The following NFAT5 variants were observed in gnomAD, a reference collection of about 807,000 sequenced individuals.
NFAT5 encodes nuclear factor of activated T cells 5.
A neutral mutation model predicts 166.5 loss-of-function variants in NFAT5; 31 were observed. The ratio of observed to expected loss-of-function variants is 0.19; its 90% CI spans 0.14 to 0.25. The LOEUF is 0.25. NFAT5 is among the 10% of genes least tolerant of loss of function. The pLI is 1.00. For synonymous variants in NFAT5, 612 were observed against 639.7 expected, an observed-to-expected ratio of 0.96 and a Z score of 0.65; for missense variants, 1,449 against 1,821.8, an observed-to-expected ratio of 0.80 and a Z score of 3.72.
In NFAT5 at chr16:69,626,386, C is replaced by T. The variant is rs374749928; in HGVS notation, c.128-17C>T. 7 of 1,552,594 alleles carry T rather than the reference C, an allele frequency of 4.5e-6. No individual in the cohort carries two copies. The African/African-American group carries it at 9.8e-5, about 22-fold the overall frequency. On this transcript the variant is annotated splice_polypyrimidine_tract_variant and intron_variant, in intron 2 of 14. Transcript: ENST00000349945. ...TCTTTTAAAAATTGTTTTCTCCTCT[C>T]TTTCCCCTCCCCACAGAATCTGTCT... is the stretch of plus-strand genomic sequence containing the variant.
Position 69,566,353 on chromosome 16 carries a change from C to T in NFAT5, c.52C>T (p.Pro18Ser). Residue 18 changes from proline to serine, a missense_variant, in exon 1 of 15, where the codon CCC (proline) becomes TCC (serine). Physicochemically the swap from Pro to Ser is moderately conservative, Grantham distance 74. Transcript: ENST00000349945. The surrounding 1 kb of genome is among the most constrained non-coding windows in gnomAD (Gnocchi z 5.7). ...LLSADLDLES[P>S]KSLYSRDSLK... ...CAGCGCGGACCTAGACCTGGAATCG[C>T]CCAAGTCCCTCTACTCGCGAGGTGA... The T allele has an allele frequency of 6.2e-7, 1 of 1,607,880 alleles. No individual in the cohort carries two copies. The highest frequency in any genetic ancestry group is 8.5e-7 in the Non-Finnish European group (1 of 1,178,082).
intron 3 of NFAT5, among the ~76,000 whole-genome samples, chr16:69,642,970 C>T (rs1210747171): frequency 1.3e-5 from 2 of 152,004 alleles, no homozygotes; most frequent in Non-Finnish European, 1.5e-5. Flanking sequence ...GTAATCTCAG[C>T]ACGTCAGGAG....
chr16:69,648,894 C>G, intron 4 of NFAT5: 1 of 945,108 alleles, frequency 1.1e-6, no homozygotes, highest in Non-Finnish European at 1.3e-6. Context: ...CCCTTAAGCA[C>G]TCCCTCAGTA....
At chr16:69,641,479 A>G (rs1283543227) in intron 3 of NFAT5, among the ~76,000 whole-genome samples, 1 of 152,084 alleles carries the variant, frequency 6.6e-6, no homozygotes, top group Non-Finnish European at 1.5e-5. Flanking sequence ...TAAAATATGT[A>G]CATATTCAAA....
chr16:69,658,734 T>A (rs1239027915), intron 6 of NFAT5, among the ~76,000 whole-genome samples: 1 of 151,306 alleles, frequency 6.6e-6, no homozygotes, highest in East Asian at 2.0e-4. Context: ...GGCTGAGGCA[T>A]GAGAATTACC....
At chr16:69,660,550 G>C (rs957859413) in intron 7 of NFAT5, among the ~76,000 whole-genome samples, 2 of 152,236 alleles carry the variant, frequency 1.3e-5, no homozygotes, top group Non-Finnish European at 2.9e-5. Flanking sequence ...TAGAACATGA[G>C]TAAGGTAAGC....
In NFAT5 at chr16:69,700,053, T is replaced by C. The variant is rs1194278175; in HGVS notation, c.*3702T>C. 6.6e-6 allele frequency: 1 copy of C among 152,142 alleles called. No individual in the cohort carries two copies. Among genetic ancestry groups the C allele is most frequent in the Non-Finnish European group, 1.5e-5 (1 of 68,010 alleles). The allele number at this position is 152,142 out of a possible 1,614,324, so 9.4% of individuals were successfully genotyped here. ...AAAAAGAACAAGTTTTTAAGGGCTT[T>C]ATTATAGAAGAAGTATTAATGAAGG... On this transcript the variant is annotated 3_prime_UTR_variant, in exon 15 of 15. Transcript: ENST00000349945.
At chr16:69,672,128 A>G (rs982784504) in intron 9 of NFAT5, among the ~76,000 whole-genome samples, 4 of 152,244 alleles carry the variant, frequency 2.6e-5, no homozygotes, top group African/African-American at 9.6e-5. Flanking sequence ...CCTAGACAAT[A>G]TCGTATAGTG....
chr16:69,646,631 T>C (rs1346442028), intron 3 of NFAT5: 23 of 666,424 alleles, frequency 3.5e-5, no homozygotes, highest in Non-Finnish European at 4.8e-5. Context: ...ACTTTTCAAA[T>C]TCTATAATGA....
At chr16:69,575,930 C>T (rs773721415) in intron 2 of NFAT5, among the ~76,000 whole-genome samples, 7 of 151,984 alleles carry the variant, frequency 4.6e-5, no homozygotes, top group Non-Finnish European at 8.8e-5. Context: ...GCACATATCT[C>T]GTGGATGAGG....
In NFAT5 at chr16:69,698,398, C is replaced by CAT. The variant is rs2037829663; in HGVS notation, c.*2055_*2056dup. ...ATAAATATAGAAATTTATATATATA[C>CAT]ATATATATAAACTATTCTTTTTTGC... On this transcript the variant is annotated 3_prime_UTR_variant, in exon 15 of 15. Coordinates refer to ENST00000349945, the MANE Select transcript of NFAT5 (RefSeq NM_138713.4). 1 of 150,896 alleles carries CAT rather than the reference C, an allele frequency of 6.6e-6. No individual in the cohort carries two copies. Among genetic ancestry groups the CAT allele is most frequent in the Admixed American group, 6.6e-5 (1 of 15,078 alleles). The allele number at this position is 150,896 out of a possible 1,614,324, so 9.3% of individuals were successfully genotyped here.
At chr16:69,689,226 C>T (rs537459048) in intron 11 of NFAT5, among the ~76,000 whole-genome samples, 2 of 152,100 alleles carry the variant, frequency 1.3e-5, no homozygotes, top group South Asian at 4.2e-4. Context: ...GCAGTGAGGC[C>T]TGATTGTACC....
intron 2 of NFAT5, among the ~76,000 whole-genome samples, chr16:69,622,161 G>A (rs763948419): frequency 1.3e-5 from 2 of 152,152 alleles, no homozygotes; most frequent in African/African-American, 2.4e-5. Flanking sequence ...GCCAGTGGCT[G>A]TGTTCAGATT....
intron 2 of NFAT5, among the ~76,000 whole-genome samples, chr16:69,610,062 C>G (rs1235550165): frequency 6.6e-6 from 1 of 150,404 alleles, no homozygotes; most frequent in African/African-American, 2.5e-5. Flanking sequence ...AGTGTTGGGT[C>G]AAAGAAGGGA....
chr16:69,605,175 C>G (rs1055784284), intron 2 of NFAT5, among the ~76,000 whole-genome samples: 1 of 152,130 alleles, frequency 6.6e-6, no homozygotes, highest in Non-Finnish European at 1.5e-5. Context: ...TGTGGTGGCT[C>G]ACGCCTGTAA....
At chr16:69,600,141 T>C (rs1357388792) in intron 2 of NFAT5, among the ~76,000 whole-genome samples, 1 of 141,522 alleles carries the variant, frequency 7.1e-6, no homozygotes. Context: ...ACAGGATTCA[T>C]TTCTCTGGGA....
intron 9 of NFAT5, among the ~76,000 whole-genome samples, chr16:69,673,284 G>A (rs1005295286): frequency 1.3e-5 from 2 of 152,068 alleles, no homozygotes; most frequent in African/African-American, 4.8e-5. Flanking sequence ...ATCTTTTTCA[G>A]AGAGAGGTTT....
intron 2 of NFAT5, among the ~76,000 whole-genome samples, chr16:69,580,528 A>AC (rs1318590141): frequency 6.6e-6 from 1 of 151,936 alleles, no homozygotes; most frequent in African/African-American, 2.4e-5. Flanking sequence ...CGAAACTAAA[A>AC]AAAAAAAAAA....
intron 11 of NFAT5, among the ~76,000 whole-genome samples, chr16:69,688,189 C>T (rs919011208): frequency 3.5e-4 from 34 of 97,852 alleles, no homozygotes; most frequent in African/African-American, 1.4e-3. Context: ...GGCGACAGAG[C>T]GAGACTCCGT....
Sources: allele counts gnomAD v4.1 joint callset (sites outside exome capture counted in the v4.1 genomes callset), GRCh38; gene constraint gnomAD v4.1.1; non-coding constraint Gnocchi (gnomAD v3.1); transcripts MANE v1.5; gene names NCBI Gene and HGNC (gene_info 2026-07-23, HGNC 2026-07-21).